The following PARD3B variants were observed in gnomAD, a reference collection of about 807,000 sequenced individuals.
PARD3B encodes partitioning defective 3 homolog B.
In PARD3B, 103 loss-of-function variants were observed where a neutral mutation model predicts 130.2. The observed-to-expected ratio is 0.79, with a 90% confidence interval of 0.67 to 0.93. PARD3B has a LOEUF of 0.93. Among genes scored for constraint, PARD3B ranks in the 40% least tolerant of loss-of-function variants. The pLI is 0.00. For synonymous variants in PARD3B, 583 were observed against 553.2 expected (o/e 1.05, Z -0.76); for missense variants, 1,609 against 1,499.2 (o/e 1.07, Z -1.21).
At chr2:205,154,564 A>T (rs1453331946) in intron 10 of PARD3B, among the ~76,000 whole-genome samples, 1 of 152,234 alleles carries the variant, frequency 6.6e-6, no homozygotes, top group Non-Finnish European at 1.5e-5. Flanking sequence ...CCAAAGGATT[A>T]TAAATCATGC....
intron 20 of PARD3B, among the ~76,000 whole-genome samples, chr2:205,487,454 C>T (rs2049489213): frequency 2.6e-5 from 1 of 38,748 alleles, no homozygotes; most frequent in Admixed American, 5.0e-4. Flanking sequence ...CTGACATAAT[C>T]CTCTAAATTA....
intron 20 of PARD3B, among the ~76,000 whole-genome samples, chr2:205,488,977 T>A (rs1290911455): frequency 6.6e-6 from 1 of 152,194 alleles, no homozygotes; most frequent in Non-Finnish European, 1.5e-5. Context: ...TATCATTTTT[T>A]AACAGAAGAC....
At chr2:205,014,303 G>A (rs555280554) in intron 3 of PARD3B, among the ~76,000 whole-genome samples, 1 of 152,302 alleles carries the variant, frequency 6.6e-6, no homozygotes, top group East Asian at 1.9e-4. Context: ...GCAGGGGCAA[G>A]TACATTTCTG....
chr2:205,477,491 G>A (rs1397977284), intron 20 of PARD3B, among the ~76,000 whole-genome samples: 2 of 152,128 alleles, frequency 1.3e-5, no homozygotes, highest in Non-Finnish European at 2.9e-5. Context: ...CTCCTGTGAA[G>A]AGATTGGAGG....
intron 4 of PARD3B, among the ~76,000 whole-genome samples, chr2:205,057,907 A>G (rs570343103): frequency 1.3e-5 from 2 of 151,700 alleles, no homozygotes; most frequent in Non-Finnish European, 3.0e-5. Flanking sequence ...TCTTTTTTAA[A>G]TTGTGGTAAA....
intron 1 of PARD3B, among the ~76,000 whole-genome samples, chr2:204,566,730 T>G (rs981213058): frequency 6.6e-6 from 1 of 152,184 alleles, no homozygotes; most frequent in Non-Finnish European, 1.5e-5. Flanking sequence ...TATTTATAAT[T>G]TTCCTCAGGG....
At chr2:205,135,508 A>G (rs1419978959) in intron 10 of PARD3B, among the ~76,000 whole-genome samples, 1 of 152,096 alleles carries the variant, frequency 6.6e-6, no homozygotes, top group East Asian at 1.9e-4. Flanking sequence ...AACATGTTTC[A>G]TCTGCCTGGT....
chr2:205,381,097 A>ATT (rs1559035747), intron 18 of PARD3B, among the ~76,000 whole-genome samples: 1 of 96,924 alleles, frequency 1.0e-5, no homozygotes, highest in African/African-American at 4.5e-5. Flanking sequence ...AAGAATATAT[A>ATT]ATATATAAAG....
intron 18 of PARD3B, among the ~76,000 whole-genome samples, chr2:205,311,841 G>T (rs1336751562): frequency 6.6e-6 from 1 of 152,136 alleles, no homozygotes; most frequent in Non-Finnish European, 1.5e-5. Flanking sequence ...GGTCTCAAAA[G>T]GATAAAACAG....
rs562552129 is a variant in PARD3B at position 205,533,994 on chromosome 2, C to T, written c.3181-19330C>T. The stretch of plus-strand genomic sequence containing the variant: ...TACAAAGACTTCCCATTCTGGGTTA[C>T]TCTGTGCATTAATGTTTTGTCTTTG... On this transcript the variant is annotated intron_variant, in intron 21 of 22. Coordinates refer to ENST00000406610, the MANE Select transcript of PARD3B (RefSeq NM_001302769.2). Among the ~76,000 whole-genome samples, 4 of 149,788 alleles carry T rather than the reference C, an allele frequency of 2.7e-5. No homozygotes were observed. The East Asian group carries it at 5.9e-4, about 22-fold the overall frequency.
chr2:205,455,413 C>T (rs2048237834), intron 20 of PARD3B, among the ~76,000 whole-genome samples: 1 of 152,062 alleles, frequency 6.6e-6, no homozygotes. Context: ...TAAGTTTAAG[C>T]TAATGTAATA....
intron 22 of PARD3B, among the ~76,000 whole-genome samples, chr2:205,606,015 C>T (rs762860468): frequency 2.0e-5 from 3 of 152,160 alleles, no homozygotes; most frequent in Non-Finnish European, 4.4e-5. Context: ...CCTAAAGAGG[C>T]AGTCTGGCCA....
chr2:204,622,982 T>C (rs1316551033), intron 1 of PARD3B, among the ~76,000 whole-genome samples: 1 of 151,934 alleles, frequency 6.6e-6, no homozygotes, highest in Non-Finnish European at 1.5e-5. Flanking sequence ...CATTATGATA[T>C]ATGCCTCTTT....
chr2:204,975,076 A>T (rs1259280873), intron 3 of PARD3B, among the ~76,000 whole-genome samples: 1 of 152,144 alleles, frequency 6.6e-6, no homozygotes, highest in Non-Finnish European at 1.5e-5. Flanking sequence ...TGGGGTACAC[A>T]GTTATCAAAC....
intron 20 of PARD3B, among the ~76,000 whole-genome samples, chr2:205,478,697 T>C (rs1448545557): frequency 6.6e-6 from 1 of 152,198 alleles, no homozygotes; most frequent in Non-Finnish European, 1.5e-5. Flanking sequence ...AGCCAGATTC[T>C]AATGAGGATG....
intron 21 of PARD3B, among the ~76,000 whole-genome samples, chr2:205,504,533 C>T (rs1274699259): frequency 6.6e-6 from 1 of 152,028 alleles, no homozygotes; most frequent in African/African-American, 2.4e-5. Context: ...CAATGAACTC[C>T]AACACATTTA....
intron 18 of PARD3B, among the ~76,000 whole-genome samples, chr2:205,371,490 T>G (rs1246949046): frequency 6.6e-6 from 1 of 152,216 alleles, no homozygotes; most frequent in Non-Finnish European, 1.5e-5. Flanking sequence ...CTGGCCACTG[T>G]GCTGACATGG....
chr2:204,906,124 G>T lies in PARD3B; in HGVS notation c.223-59028G>T, dbSNP rs2125714317. The stretch of plus-strand genomic sequence containing the variant: ...GATGGTAGTTTGTGATTGATGTAGT[G>T]CCAACTCTTATTTCTCATCTGGACT... On this transcript the variant is annotated intron_variant, in intron 2 of 22. Coordinates refer to ENST00000406610, the MANE Select transcript of PARD3B (RefSeq NM_001302769.2). The surrounding 1 kb of genome is among the most constrained non-coding windows in gnomAD (Gnocchi z 4.3). Among the ~76,000 whole-genome samples the T allele has an allele frequency of 6.6e-6, 1 of 152,196 alleles. No homozygotes were observed. Among genetic ancestry groups the T allele is most frequent in the Non-Finnish European group, 1.5e-5 (1 of 67,978 alleles).
In PARD3B at chr2:204,598,890, A is replaced by G. The variant is rs578042631; in HGVS notation, c.120+52771A>G. ...GAGAACTTGGTAAGAGATCCTGTCA[A>G]TGCTGCTAATAGCTGTGTTTGAGAA... On this transcript the variant is annotated intron_variant, in intron 1 of 22. Transcript: ENST00000406610. 5.3e-5 allele frequency among the ~76,000 whole-genome samples: 8 copies of G among 152,098 alleles called. 1 individual carries two copies. The highest frequency in any genetic ancestry group is 7.4e-5 in the Non-Finnish European group (5 of 67,888).
Sources: gnomAD v4.1 joint callset for allele counts (sites outside exome capture counted in the v4.1 genomes callset) on GRCh38, gnomAD v4.1.1 for gene constraint, Gnocchi (gnomAD v3.1) non-coding constraint, MANE v1.5 for transcripts, NCBI Gene and HGNC (gene_info 2026-07-23, HGNC 2026-07-21) for gene names.